Variants in RALGAPA2 observed in about 807,000 individuals in gnomAD.
RALGAPA2 encodes ral GTPase-activating protein subunit alpha-2.
In RALGAPA2, 139 loss-of-function variants were observed where a neutral mutation model predicts 230.4. The ratio of observed to expected loss-of-function variants is 0.60; its 90% CI spans 0.53 to 0.69. RALGAPA2 has a LOEUF of 0.69. Among genes scored for constraint, RALGAPA2 ranks in the 30% least tolerant of loss-of-function variants. The probability of loss-of-function intolerance (pLI) is 0.00; values close to 1 mark genes in which losing one functional copy is unlikely to be tolerated. For synonymous variants in RALGAPA2, 847 were observed against 837.8 expected, an observed-to-expected ratio of 1.01 and a Z score of -0.19; for missense variants, 2,163 against 2,276.0, an observed-to-expected ratio of 0.95 and a Z score of 1.01.
In RALGAPA2 at chr20:20,526,326, C is replaced by T. The variant is rs2145501831; in HGVS notation, c.3619G>A (p.Val1207Ile). 1 of 1,607,494 alleles carries T rather than the reference C, an allele frequency of 6.2e-7. No homozygotes were observed. Among genetic ancestry groups the T allele is most frequent in the East Asian group, 2.2e-5 (1 of 44,804 alleles). Residue 1207 changes from valine to isoleucine, a missense_variant, in exon 28 of 40, where the codon GTC (valine) becomes ATC (isoleucine). Coordinates refer to ENST00000202677, the MANE Select transcript of RALGAPA2 (RefSeq NM_020343.4). ...CAGTAGGAAACCAGCAACTGAAGGACATCGCAAGCTACCTGGGCCACGATT... is the reference window on the plus strand; with the variant it reads ...CAGTAGGAAACCAGCAACTGAAGGATATCGCAAGCTACCTGGGCCACGATT... ...NKIVAQVACD[V>I]LQLLVSYWEK...
chr20:20,647,434 G>C (rs1259458979), intron 4 of RALGAPA2, among the ~76,000 whole-genome samples: 2 of 152,098 alleles, frequency 1.3e-5, no homozygotes, highest in African/African-American at 2.4e-5. Flanking sequence ...CTAAGCATGA[G>C]GAACCAGCAT....
chr20:20,551,194 T>G (rs564405615), intron 23 of RALGAPA2, among the ~76,000 whole-genome samples: 36 of 152,240 alleles, frequency 2.4e-4, no homozygotes, highest in Non-Finnish European at 4.9e-4. Context: ...GAAGTTCAAG[T>G]TAGTTTTATA....
At chr20:20,443,065 TA>T (rs2060774975) in intron 37 of RALGAPA2, among the ~76,000 whole-genome samples, 1 of 152,246 alleles carries the variant, frequency 6.6e-6, no homozygotes, top group Non-Finnish European at 1.5e-5. Flanking sequence ...TAGCTGCATT[TA>T]AAGCATTCTG....
At chr20:20,613,375 C>A (rs1021621414) in intron 13 of RALGAPA2, among the ~76,000 whole-genome samples, 1 of 152,226 alleles carries the variant, frequency 6.6e-6, no homozygotes, top group Non-Finnish European at 1.5e-5. Context: ...GATTTCAACT[C>A]ATTTACATAC....
intron 36 of RALGAPA2, among the ~76,000 whole-genome samples, chr20:20,486,008 G>A (rs570944115): frequency 6.6e-6 from 1 of 152,206 alleles, no homozygotes; most frequent in African/African-American, 2.4e-5. Flanking sequence ...GCATGGTGGT[G>A]TGTGCCTGTA....
At chr20:20,609,385 T>C (rs1327049601) in intron 14 of RALGAPA2, among the ~76,000 whole-genome samples, 1 of 152,138 alleles carries the variant, frequency 6.6e-6, no homozygotes, top group Non-Finnish European at 1.5e-5. Context: ...TTAATAATCA[T>C]GAACTCAAAA....
At chr20:20,401,024 AGT>A (rs745799892) in intron 38 of RALGAPA2, among the ~76,000 whole-genome samples, 14 of 152,128 alleles carry the variant, frequency 9.2e-5, no homozygotes, top group African/African-American at 2.9e-4. Flanking sequence ...AGAGTTGAGG[AGT>A]GGGCGGGGAG....
chr20:20,440,376 A>G (rs1290033551), intron 37 of RALGAPA2, among the ~76,000 whole-genome samples: 1 of 152,202 alleles, frequency 6.6e-6, no homozygotes, highest in Non-Finnish European at 1.5e-5. Context: ...TGAGTATTTA[A>G]GTTCTTTTTC....
At chr20:20,591,074 A>T (rs2065274622) in intron 17 of RALGAPA2, 103 bp downstream of exon 17, 2 of 1,297,490 alleles carry the variant, frequency 1.5e-6, no homozygotes. Context: ...ATTCCCTTGA[A>T]ATAAATATAT....
At chr20:20,673,989 A>G (rs1247128407) in intron 3 of RALGAPA2, among the ~76,000 whole-genome samples, 2 of 151,922 alleles carry the variant, frequency 1.3e-5, no homozygotes, top group African/African-American at 4.8e-5. Flanking sequence ...GGAGTTTGAG[A>G]CCAGCCTAGA....
intron 27 of RALGAPA2, among the ~76,000 whole-genome samples, chr20:20,531,229 A>G (rs1017097383): frequency 6.6e-6 from 1 of 152,238 alleles, no homozygotes; most frequent in African/African-American, 2.4e-5. Flanking sequence ...GTGAGTGCCC[A>G]GTGAATGGCA....
intron 37 of RALGAPA2, among the ~76,000 whole-genome samples, chr20:20,469,825 G>A (rs1169442066): frequency 6.6e-6 from 1 of 152,138 alleles, no homozygotes; most frequent in Admixed American, 6.5e-5. Flanking sequence ...CAACCCTCTA[G>A]GCACAGGAAT....
chr20:20,393,305 G>A (rs938723607), intron 39 of RALGAPA2, 52 bp from the exon 40 acceptor site: 47 of 1,212,326 alleles, frequency 3.9e-5, no homozygotes, highest in Middle Eastern at 2.6e-4. Context: ...GCGGCTCTAC[G>A]GCCACACATT....
intron 10 of RALGAPA2, among the ~76,000 whole-genome samples, chr20:20,627,721 G>A (rs1443753163): frequency 6.6e-6 from 1 of 152,232 alleles, no homozygotes; most frequent in East Asian, 1.9e-4. Flanking sequence ...CTGTAGCATT[G>A]CATTATGCTT....
intron 33 of RALGAPA2, among the ~76,000 whole-genome samples, chr20:20,509,630 C>T (rs1164740973): frequency 1.3e-5 from 2 of 151,988 alleles, no homozygotes; most frequent in Non-Finnish European, 2.9e-5. Flanking sequence ...ATGTATGTAG[C>T]TATATGATGC....
rs539170338 is a variant in RALGAPA2, at chr20:20,396,611, C to A, written c.*35+84G>T. The A allele has an allele frequency of 3.1e-4, 417 of 1,326,620 alleles. 2 individuals carry two copies. Among genetic ancestry groups the A allele is most frequent in the South Asian group, 1.4e-4 (10 of 72,278 alleles). 82.2% of individuals were successfully genotyped at this position (1,326,620 alleles called of 1,614,324 possible). ...GCGAGGAGCACTGATGCAGGGTCCG[C>A]TACCGAGGGCAGCCGATTAGAAAAG... On this transcript the variant is annotated intron_variant, in intron 39 of 39. Coordinates refer to ENST00000202677, the MANE Select transcript of RALGAPA2 (RefSeq NM_020343.4).
chr20:20,576,627 T>G (rs2064827499), intron 20 of RALGAPA2, among the ~76,000 whole-genome samples: 1 of 152,186 alleles, frequency 6.6e-6, no homozygotes, highest in East Asian at 1.9e-4. Flanking sequence ...TATGTTTTTT[T>G]CATACTGACC....
intron 36 of RALGAPA2, among the ~76,000 whole-genome samples, chr20:20,486,512 T>C (rs1165877179): frequency 6.6e-6 from 1 of 152,204 alleles, no homozygotes; most frequent in Non-Finnish European, 1.5e-5. Flanking sequence ...ATAGGAGCCC[T>C]CTGGCTCCTT....
intron 23 of RALGAPA2, among the ~76,000 whole-genome samples, chr20:20,559,670 T>C (rs2064196392): frequency 6.6e-6 from 1 of 151,802 alleles, no homozygotes; most frequent in Non-Finnish European, 1.5e-5. Context: ...AAAAACAACT[T>C]TTTTTTTAAT....
Sources: gnomAD v4.1 joint callset for allele counts (sites outside exome capture counted in the v4.1 genomes callset) on GRCh38, gnomAD v4.1.1 for gene constraint, MANE v1.5 for transcripts, NCBI Gene and HGNC (gene_info 2026-07-23, HGNC 2026-07-21) for gene names.